MDGA2: variants seen among roughly 807,000 people sequenced by gnomAD.
MDGA2 encodes the protein MAM domain-containing glycosylphosphatidylinositol anchor protein 2.
A neutral mutation model predicts 117.8 loss-of-function variants in MDGA2; 40 were observed. The observed-to-expected ratio is 0.34, with a 90% CI of 0.26 to 0.44. MDGA2 has a LOEUF of 0.44. Ranked by LOEUF, MDGA2 falls within the 20% of genes least tolerant of loss-of-function variation. The probability of loss-of-function intolerance (pLI) is 1.00; values close to 1 mark genes in which losing one functional copy is unlikely to be tolerated. For synonymous variants in MDGA2, 452 were observed against 439.0 expected, an observed-to-expected ratio of 1.03 and a Z score of -0.37; for missense variants, 1,123 against 1,250.6, an observed-to-expected ratio of 0.90 and a Z score of 1.54.
At chr14:47,371,699 C>A (rs911820237) in intron 1 of MDGA2, among the ~76,000 whole-genome samples, 1 of 151,566 alleles carries the variant, frequency 6.6e-6, no homozygotes, top group Non-Finnish European at 1.5e-5. Flanking sequence ...ATAAGAGATT[C>A]TCATTATTAC....
At chr14:47,129,490 A>G (rs1882085995) in intron 5 of MDGA2, among the ~76,000 whole-genome samples, 2 of 149,860 alleles carry the variant, frequency 1.3e-5, no homozygotes, top group Admixed American at 6.7e-5. Context: ...CCAGTCTATC[A>G]TTGTTGGACA....
chr14:47,495,544 A>C (rs1017071036), intron 1 of MDGA2, among the ~76,000 whole-genome samples: 4 of 151,804 alleles, frequency 2.6e-5, no homozygotes, highest in African/African-American at 9.7e-5. Context: ...GCCTCAGACA[A>C]CTCTATTTTC....
At chr14:47,341,790 A>G (rs765372378) in intron 1 of MDGA2, among the ~76,000 whole-genome samples, 6 of 152,158 alleles carry the variant, frequency 3.9e-5, no homozygotes, top group Non-Finnish European at 7.3e-5. Context: ...AGAAAACAGC[A>G]GCATGGTATT....
intron 7 of MDGA2, among the ~76,000 whole-genome samples, chr14:47,050,125 C>T (rs1954247): frequency 1 from 152,162 of 152,162 alleles, 76,081 homozygotes; most frequent in Non-Finnish European, 1. Context: ...GCCCATTCCA[C>T]TGAAAGACTG....
chr14:46,965,169 C>T (rs1277739610), intron 8 of MDGA2, among the ~76,000 whole-genome samples: 1 of 120,206 alleles, frequency 8.3e-6, no homozygotes. Context: ...GTGATCCGCC[C>T]GCCTCGGCCT....
intron 1 of MDGA2, among the ~76,000 whole-genome samples, chr14:47,337,694 G>A (rs1249793923): frequency 6.6e-6 from 1 of 151,674 alleles, no homozygotes; most frequent in African/African-American, 2.4e-5. Context: ...GAAAATGGGG[G>A]GGATAAGTTG....
chr14:46,930,082 A>G (rs967700371), intron 9 of MDGA2, among the ~76,000 whole-genome samples: 8 of 149,632 alleles, frequency 5.3e-5, no homozygotes, highest in African/African-American at 2.0e-4. Flanking sequence ...ACTGAAAACT[A>G]TTTATTTCAT....
chr14:47,317,478 CT>C (rs1048456637), intron 1 of MDGA2, among the ~76,000 whole-genome samples: 6 of 152,092 alleles, frequency 3.9e-5, no homozygotes, highest in Non-Finnish European at 7.4e-5. Context: ...GAGATGGAGA[CT>C]GCTGACAATG....
intron 8 of MDGA2, among the ~76,000 whole-genome samples, chr14:47,020,721 C>A (rs1888256774): frequency 6.6e-6 from 1 of 152,146 alleles, no homozygotes; most frequent in Non-Finnish European, 1.5e-5. Context: ...TTAAAAGTTA[C>A]TTTGTGTGTT....
intron 8 of MDGA2, among the ~76,000 whole-genome samples, chr14:47,021,920 T>G (rs1026536263): frequency 3.3e-5 from 5 of 152,186 alleles, no homozygotes; most frequent in Non-Finnish European, 7.3e-5. Flanking sequence ...ACCGTATTTA[T>G]AGTTATGGTT....
rs575068238 is a variant in MDGA2, at chr14:46,879,755, A to G, written c.2417-2246T>C. On this transcript the variant is annotated intron_variant, in intron 11 of 16. Coordinates refer to ENST00000399232, the MANE Select transcript of MDGA2 (RefSeq NM_001113498.3). ...TTTCACAGTCATTTAACTTTGCAGG[A>G]CACTGAAACTTTCTGGGTCCGAATA... 9.2e-5 allele frequency among the ~76,000 whole-genome samples: 14 copies of G among 152,236 alleles called. No individual in the cohort carries two copies. The South Asian group carries it at 2.3e-3, about 25-fold the overall frequency.
At chr14:47,090,214 G>A (rs1001610057) in intron 6 of MDGA2, among the ~76,000 whole-genome samples, 12 of 151,852 alleles carry the variant, frequency 7.9e-5, no homozygotes, top group Non-Finnish European at 1.3e-4. Flanking sequence ...ATCACTTTTT[G>A]GAAGAGAGTT....
At chr14:47,362,810 T>C (rs1255143166) in intron 1 of MDGA2, among the ~76,000 whole-genome samples, 1 of 152,206 alleles carries the variant, frequency 6.6e-6, no homozygotes, top group African/African-American at 2.4e-5. Flanking sequence ...TATTTTATTG[T>C]ACTTATCCTG....
chr14:47,188,364 A>T (rs1433213015), intron 3 of MDGA2, among the ~76,000 whole-genome samples: 1 of 152,200 alleles, frequency 6.6e-6, no homozygotes, highest in African/African-American at 2.4e-5. Flanking sequence ...GAAGGTGGTT[A>T]CTATGTTGTG....
chr14:47,604,811 T>A (rs1394836322), intron 1 of MDGA2, among the ~76,000 whole-genome samples: 1 of 152,168 alleles, frequency 6.6e-6, no homozygotes, highest in Admixed American at 6.5e-5. Flanking sequence ...CTTTTGGTAC[T>A]TTGAGATTGC....
intron 1 of MDGA2, among the ~76,000 whole-genome samples, chr14:47,599,429 C>T (rs1364029121): frequency 6.6e-6 from 1 of 151,886 alleles, no homozygotes; most frequent in East Asian, 1.9e-4. Context: ...TTACACACAG[C>T]TATTTACTGC....
chr14:46,995,587 A>G (rs1043192147), intron 8 of MDGA2, among the ~76,000 whole-genome samples: 5 of 152,060 alleles, frequency 3.3e-5, no homozygotes, highest in Non-Finnish European at 5.9e-5. Context: ...TGCTGAATCC[A>G]TTATAAGAAA....
chr14:47,020,941 T>G (rs189617495), intron 8 of MDGA2, among the ~76,000 whole-genome samples: 1 of 152,254 alleles, frequency 6.6e-6, no homozygotes, highest in East Asian at 1.9e-4. Context: ...AGAAAATAAT[T>G]TTTAAATTAG....
intron 1 of MDGA2, among the ~76,000 whole-genome samples, chr14:47,456,931 G>A (rs928348202): frequency 6.6e-6 from 1 of 151,750 alleles, no homozygotes; most frequent in Non-Finnish European, 1.5e-5. Context: ...CATGCTCTAT[G>A]TAGACTCTGG....
Sources: gnomAD v4.1 joint callset for allele counts (sites outside exome capture counted in the v4.1 genomes callset) on GRCh38, gnomAD v4.1.1 for gene constraint, MANE v1.5 for transcripts, NCBI Gene and HGNC (gene_info 2026-07-23, HGNC 2026-07-21) for gene names.